The following MACROD1 variants were observed in gnomAD, a reference collection of about 807,000 sequenced individuals.
MACROD1 encodes ADP-ribose glycohydrolase MACROD1.
MACROD1 carries 31 observed loss-of-function variants against 41.4 expected under a neutral mutation model. The observed-to-expected ratio is 0.75, with a 90% CI of 0.56 to 1.01. The LOEUF is 1.01. MACROD1 is among the 50% of genes least tolerant of loss of function. MACROD1 has a pLI of 0.00. For missense variants in MACROD1, 473 were observed against 460.0 expected (o/e 1.03, Z -0.26); for synonymous variants, 252 against 203.4 (o/e 1.24, Z -2.03).
At chr11:64,006,938 G>A (rs527445181) in intron 4 of MACROD1, among the ~76,000 whole-genome samples, 4 of 152,286 alleles carry the variant, frequency 2.6e-5, no homozygotes, top group South Asian at 4.1e-4. Context: ...CCTGGCTGCC[G>A]TTGGCACCAT....
At chr11:64,040,497 C>A (rs1480668205) in intron 3 of MACROD1, among the ~76,000 whole-genome samples, 1 of 152,170 alleles carries the variant, frequency 6.6e-6, no homozygotes, top group African/African-American at 2.4e-5. Context: ...TCTCAGGATT[C>A]CTGGGTCTGC....
chr11:64,112,679 C>G (rs1348416314), intron 3 of MACROD1, among the ~76,000 whole-genome samples: 1 of 152,198 alleles, frequency 6.6e-6, no homozygotes, highest in Non-Finnish European at 1.5e-5. Flanking sequence ...AGGCGTGGAT[C>G]TGGGGATGAG....
chr11:64,148,946 G>A (rs1945535096), intron 3 of MACROD1: 1 of 985,338 alleles, frequency 1.0e-6, no homozygotes, highest in Non-Finnish European at 1.2e-6. Flanking sequence ...AGGAGACTCG[G>A]GCTCTGTGTG....
At chr11:64,105,255 A>G (rs1317197274) in intron 3 of MACROD1, among the ~76,000 whole-genome samples, 1 of 151,978 alleles carries the variant, frequency 6.6e-6, no homozygotes, top group African/African-American at 2.4e-5. Flanking sequence ...CCTGGTCCCT[A>G]CTGCCCCTCT....
chr11:64,026,317 G>A (rs969392358), intron 3 of MACROD1, among the ~76,000 whole-genome samples: 14 of 152,116 alleles, frequency 9.2e-5, no homozygotes, highest in African/African-American at 3.4e-4. Context: ...GAGCCACTGC[G>A]CTCGGCCTCG....
chr11:64,146,101 T>C lies in MACROD1; in HGVS notation c.517+5138A>G, dbSNP rs951795496. 6.6e-6 allele frequency among the ~76,000 whole-genome samples: 1 copy of C among 152,178 alleles called. No individual in the cohort carries two copies. The highest frequency in any genetic ancestry group is 1.5e-5 in the Non-Finnish European group (1 of 68,034). ...GGGGATCTTTCTTTGTGCCCGGACA[T>C]GTCCTGCCCAGGACTCTGCTATCTG... On this transcript the variant is annotated intron_variant, in intron 3 of 10. Coordinates refer to ENST00000255681, the MANE Select transcript of MACROD1 (RefSeq NM_014067.4). This position sits in a 1 kb window ranked among gnomAD's most constrained non-coding sequence, Gnocchi z 4.7.
At chr11:64,000,196 C>T (rs1006547775) in intron 5 of MACROD1, 31 bp downstream of exon 5, 4 of 1,577,750 alleles carry the variant, frequency 2.5e-6, no homozygotes, top group South Asian at 1.1e-5. Context: ...CCTGTCTGCG[C>T]CCCACAGCTG....
At chr11:64,114,346 T>TGGATGGATGGTGGAC (rs1244746209) in intron 3 of MACROD1, among the ~76,000 whole-genome samples, 1 of 145,536 alleles carries the variant, frequency 6.9e-6, no homozygotes, top group Admixed American at 6.8e-5. Flanking sequence ...AGATACATGA[T>TGGATGGATGGTGGAC]GGATGGATGG....
intron 3 of MACROD1, among the ~76,000 whole-genome samples, chr11:64,031,887 T>C (rs573563199): frequency 6.6e-6 from 1 of 152,342 alleles, no homozygotes; most frequent in African/African-American, 2.4e-5. Context: ...TCCCGTAGTA[T>C]ACTGGGGCAT....
chr11:64,023,735 G>A (rs1401271170), intron 3 of MACROD1, among the ~76,000 whole-genome samples: 3 of 152,114 alleles, frequency 2.0e-5, no homozygotes, highest in African/African-American at 7.2e-5. Flanking sequence ...ACCTCAGAGC[G>A]GCCTCCTTCA....
intron 3 of MACROD1, among the ~76,000 whole-genome samples, chr11:64,134,356 C>T (rs759412833): frequency 7.2e-5 from 11 of 152,220 alleles, no homozygotes; most frequent in African/African-American, 1.2e-4. Context: ...AGCATTCCCC[C>T]AGTGAGAGGC....
chr11:64,035,809 A>C (rs1343171226), intron 3 of MACROD1, among the ~76,000 whole-genome samples: 1 of 111,150 alleles, frequency 9.0e-6, no homozygotes, highest in East Asian at 2.7e-4. Flanking sequence ...AGGCGGCCGC[A>C]CAGCCTGGTT....
At position 64,021,789 on chromosome 11, in the gene MACROD1, T is replaced by C. The variant is rs200100346; in HGVS notation, c.518-6508A>G. Among the ~76,000 whole-genome samples the C allele has an allele frequency of 2.0e-5, 3 of 151,924 alleles. No individual in the cohort carries two copies. The East Asian group carries it at 5.8e-4, about 29-fold the overall frequency. ...GCCAGCCCCACCGTGTGCCAGGCGC[T>C]GGGACACGGATGGGGCAGCCCTGCT... On this transcript the variant is annotated intron_variant, in intron 3 of 10. Coordinates refer to ENST00000255681, the MANE Select transcript of MACROD1 (RefSeq NM_014067.4).
At chr11:64,016,572 G>A (rs1191619659) in intron 3 of MACROD1, among the ~76,000 whole-genome samples, 2 of 152,272 alleles carry the variant, frequency 1.3e-5, no homozygotes, top group Admixed American at 6.5e-5. Flanking sequence ...CGGCATGGAC[G>A]CTGCTAAGTG....
intron 2 of MACROD1, 98 bp from the exon 3 acceptor site, chr11:64,151,453 C>A: frequency 1.2e-6 from 1 of 827,420 alleles, no homozygotes; most frequent in Non-Finnish European, 2.0e-6. Flanking sequence ...ATCGACCTCC[C>A]TCCACCTCCA....
chr11:64,097,318 T>C (rs1944594791), intron 3 of MACROD1, among the ~76,000 whole-genome samples: 1 of 152,196 alleles, frequency 6.6e-6, no homozygotes, highest in African/African-American at 2.4e-5. Flanking sequence ...CACCAAGGGA[T>C]GGGTGAACTC....
intron 3 of MACROD1, among the ~76,000 whole-genome samples, chr11:64,049,030 T>G (rs567629842): frequency 8.4e-6 from 1 of 119,456 alleles, no homozygotes; most frequent in South Asian, 2.8e-4. Flanking sequence ...CTGCCCTGAG[T>G]GTGGGTGATA....
intron 3 of MACROD1, chr11:64,103,972 GC>G (rs1332755989): frequency 2.0e-5 from 3 of 152,348 alleles, no homozygotes; most frequent in African/African-American, 7.2e-5. Context: ...CCCTCTCTGT[GC>G]CCTGGGGAGC....
chr11:64,134,712 A>C (rs1430553328), intron 3 of MACROD1, among the ~76,000 whole-genome samples: 1 of 152,140 alleles, frequency 6.6e-6, no homozygotes, highest in Admixed American at 6.5e-5. Context: ...GTGAAGAATG[A>C]TGTCTCTCAT....
Sources: gnomAD v4.1 joint callset for allele counts (sites outside exome capture counted in the v4.1 genomes callset) on GRCh38, gnomAD v4.1.1 for gene constraint, Gnocchi (gnomAD v3.1) non-coding constraint, MANE v1.5 for transcripts, NCBI Gene and HGNC (gene_info 2026-07-23, HGNC 2026-07-21) for gene names.